The following KCNAB1 variants were observed in gnomAD, a reference collection of about 807,000 sequenced individuals.
The protein encoded by KCNAB1 is potassium voltage-gated channel subfamily A regulatory beta subunit 1, also known as voltage-gated potassium channel subunit beta-1.
KCNAB1 carries 35 observed loss-of-function variants against 64.6 expected under a neutral mutation model. The ratio of observed to expected loss-of-function variants is 0.54; its 90% CI spans 0.41 to 0.72. KCNAB1 has a LOEUF of 0.72. KCNAB1 is among the 30% of genes least tolerant of loss of function. The pLI is 0.00. For missense variants in KCNAB1, 401 were observed against 512.9 expected (o/e 0.78, Z 2.11); for synonymous variants, 177 against 183.8 (o/e 0.96, Z 0.30).
chr3:156,503,757 C>A (rs1716623289), intron 8 of KCNAB1, among the ~76,000 whole-genome samples: 2 of 152,238 alleles, frequency 1.3e-5, no homozygotes, highest in South Asian at 4.2e-4. Flanking sequence ...TTTATTTATT[C>A]TCTTATTATT....
chr3:156,450,494 TCTCAA>T (rs1711911194), intron 2 of KCNAB1, among the ~76,000 whole-genome samples: 1 of 152,182 alleles, frequency 6.6e-6, no homozygotes, highest in African/African-American at 2.4e-5. Context: ...TCCTGAAAGT[TCTCAA>T]TCTTATTTTT....
chr3:156,205,784 G>T (rs1361094531), intron 1 of KCNAB1, among the ~76,000 whole-genome samples: 2 of 152,140 alleles, frequency 1.3e-5, no homozygotes, highest in Non-Finnish European at 2.9e-5. Flanking sequence ...ATCTGGCCTT[G>T]TCAATACCCT....
intron 1 of KCNAB1, among the ~76,000 whole-genome samples, chr3:156,174,367 A>G (rs1712211471): frequency 6.6e-6 from 1 of 152,222 alleles, no homozygotes; most frequent in South Asian, 2.1e-4. Flanking sequence ...AGAGCTTATA[A>G]GGAGGAGCTG....
chr3:156,533,869 G>A (rs1286209495), intron 13 of KCNAB1, among the ~76,000 whole-genome samples: 1 of 152,144 alleles, frequency 6.6e-6, no homozygotes, highest in Non-Finnish European at 1.5e-5. Flanking sequence ...CAAGTCTAGG[G>A]CTGAGTTTTA....
At chr3:156,125,852 G>A (rs1292583212) in intron 1 of KCNAB1, among the ~76,000 whole-genome samples, 1 of 152,164 alleles carries the variant, frequency 6.6e-6, no homozygotes, top group Non-Finnish European at 1.5e-5. Context: ...GCCTTTGGTT[G>A]AGCTTATGAA....
chr3:156,284,592 C>T (rs1257814769), intron 1 of KCNAB1, among the ~76,000 whole-genome samples: 2 of 152,196 alleles, frequency 1.3e-5, no homozygotes, highest in Non-Finnish European at 2.9e-5. Context: ...AGTTTGATCT[C>T]AGACTGCTGT....
At chr3:156,199,316 AGT>A (rs1714175469) in intron 1 of KCNAB1, among the ~76,000 whole-genome samples, 1 of 151,774 alleles carries the variant, frequency 6.6e-6, no homozygotes, top group Non-Finnish European at 1.5e-5. Flanking sequence ...TTTCTCGAGG[AGT>A]GTCTTAGTGG....
intron 1 of KCNAB1, among the ~76,000 whole-genome samples, chr3:156,217,419 GA>G (rs1215702420): frequency 2.0e-5 from 3 of 151,892 alleles, no homozygotes; most frequent in East Asian, 1.9e-4. Flanking sequence ...AGTGATATAC[GA>G]AAAAAAATCA....
intron 8 of KCNAB1, among the ~76,000 whole-genome samples, chr3:156,512,145 T>A (rs186565484): frequency 6.6e-6 from 1 of 152,366 alleles, no homozygotes; most frequent in African/African-American, 2.4e-5. Context: ...AATGACTTAC[T>A]TGTTTACCCC....
intron 1 of KCNAB1, among the ~76,000 whole-genome samples, chr3:156,146,002 G>A (rs948767346): frequency 6.6e-6 from 1 of 152,164 alleles, no homozygotes; most frequent in Non-Finnish European, 1.5e-5. Context: ...AGCCGGGTAA[G>A]CTGTTTTCCA....
intron 1 of KCNAB1, among the ~76,000 whole-genome samples, chr3:156,411,345 A>G (rs1372199009): frequency 6.6e-6 from 1 of 152,130 alleles, no homozygotes; most frequent in Non-Finnish European, 1.5e-5. Flanking sequence ...TATCTTTCTC[A>G]GAACAAAAGT....
chr3:156,184,833 C>T (rs1330949265), intron 1 of KCNAB1, among the ~76,000 whole-genome samples: 3 of 152,146 alleles, frequency 2.0e-5, no homozygotes, highest in Non-Finnish European at 4.4e-5. Flanking sequence ...TGTCTCTTGT[C>T]CCATACTGGT....
chr3:156,187,581 C>T (rs1207772996), intron 1 of KCNAB1, among the ~76,000 whole-genome samples: 2 of 152,212 alleles, frequency 1.3e-5, no homozygotes, highest in Non-Finnish European at 2.9e-5. Flanking sequence ...TCCTGCTGGA[C>T]TCATCCTCAG....
chr3:156,135,589 G>C (rs1714297302), intron 1 of KCNAB1, among the ~76,000 whole-genome samples: 1 of 152,200 alleles, frequency 6.6e-6, no homozygotes, highest in South Asian at 2.1e-4. Flanking sequence ...TAGATTAATT[G>C]TAAGTGCCTA....
intron 1 of KCNAB1, among the ~76,000 whole-genome samples, chr3:156,404,065 C>G (rs1019432938): frequency 3.3e-5 from 5 of 152,138 alleles, no homozygotes; most frequent in African/African-American, 1.2e-4. Context: ...TATAATGGCT[C>G]TTCCTAAATA....
chr3:156,118,567 A>G (rs1230189183), upstream of KCNAB1, among the ~76,000 whole-genome samples: 1 of 152,212 alleles, frequency 6.6e-6, no homozygotes, highest in Non-Finnish European at 1.5e-5. Flanking sequence ...AATTATCTCT[A>G]TTTTTATAGA....
chr3:156,251,865 T>A (rs527281391), intron 1 of KCNAB1, among the ~76,000 whole-genome samples: 50 of 152,212 alleles, frequency 3.3e-4, no homozygotes, highest in Non-Finnish European at 6.8e-4. Context: ...GTTTTCCTGA[T>A]CTAATTAGAT....
chr3:156,219,215 C>A (rs1030711741), intron 1 of KCNAB1, among the ~76,000 whole-genome samples: 34 of 151,794 alleles, frequency 2.2e-4, no homozygotes, highest in African/African-American at 7.7e-4. Flanking sequence ...AAACATGATA[C>A]AGGGTATGAA....
chr3:156,509,521 G>A (rs973034624), intron 8 of KCNAB1, among the ~76,000 whole-genome samples: 1 of 152,114 alleles, frequency 6.6e-6, no homozygotes, highest in Non-Finnish European at 1.5e-5. Flanking sequence ...ATCGATGCTG[G>A]GGCCTCACCC....
Sources: gnomAD v4.1 joint callset for allele counts (sites outside exome capture counted in the v4.1 genomes callset) on GRCh38, gnomAD v4.1.1 for gene constraint, MANE v1.5 for transcripts, NCBI Gene and HGNC (gene_info 2026-07-23, HGNC 2026-07-21) for gene names.